CHD4: variants seen among roughly 807,000 people sequenced by gnomAD.
The protein encoded by CHD4 is chromodomain helicase DNA binding protein 4, also known as ATP-dependent chromatin remodeler CHD4.
In CHD4, 35 loss-of-function variants were observed where a neutral mutation model predicts 235.5. The ratio of observed to expected loss-of-function variants is 0.15; its 90% CI spans 0.11 to 0.20. CHD4 has a LOEUF of 0.20. CHD4 is among the 10% of genes least tolerant of loss of function. The probability of loss-of-function intolerance (pLI) is 1.00; values close to 1 mark genes in which losing one functional copy is unlikely to be tolerated. For synonymous variants in CHD4, 900 were observed against 850.2 expected (o/e 1.06, Z -1.02); for missense variants, 1,329 against 2,432.3 (o/e 0.55, Z 9.54).
chr12:6,577,730 G>T, intron 37 of CHD4, 55 bp downstream of exon 37: 1 of 1,606,832 alleles, frequency 6.2e-7, no homozygotes, highest in Non-Finnish European at 8.5e-7. Flanking sequence ...GCTGCAGGAC[G>T]TTACGCACTT....
intron 25 of CHD4, 148 bp downstream of exon 25, chr12:6,587,235 TC>T: frequency 1.4e-6 from 1 of 738,448 alleles, no homozygotes; most frequent in Non-Finnish European, 2.2e-6. Context: ...AGTCATGTTA[TC>T]AGCTTTGTTT....
rs150832622 is a variant in CHD4, at chr12:6,601,984, C to G, written c.414G>C (p.Glu138Asp). 1.4e-6 allele frequency: 2 copies of G among 1,457,302 alleles called. No homozygotes were observed. The highest frequency in any genetic ancestry group is 9.3e-7 in the Non-Finnish European group (1 of 1,072,328). The allele number at this position is 1,457,302 out of a possible 1,614,324, so 90.3% of individuals were successfully genotyped here. ...SKSKRKEEEE[E>D]EDDDDDSKEP... Reference sequence around the variant, plus strand: ...CCTTTGAATCATCATCATCATCCTCCTCCTCCTCCTCCTCCTTCCGCTTGG... The same window carrying G: ...CCTTTGAATCATCATCATCATCCTCGTCCTCCTCCTCCTCCTTCCGCTTGG... Residue 138 changes from glutamate to aspartate, a missense_variant, in exon 4 of 40, where the codon GAG becomes GAC. This residue lies in a region of CHD4 where 213 missense variants were observed against 177.5 expected (regional missense o/e 1.20). Coordinates refer to ENST00000544040, the MANE Select transcript of CHD4 (RefSeq NM_001273.5).
intron 9 of CHD4, 25 bp downstream of exon 9, chr12:6,600,192 G>C: frequency 6.2e-7 from 1 of 1,612,104 alleles, no homozygotes; most frequent in South Asian, 1.1e-5. Context: ...TGGGTTCCAA[G>C]GGGCCACAAT....
chr12:6,602,164 T>A lies in CHD4; in HGVS notation c.234A>T (p.Leu78Phe). The A allele has an allele frequency of 6.2e-7, 1 of 1,613,662 alleles. No homozygotes were observed. The highest frequency in any genetic ancestry group is 1.1e-5 in the South Asian group (1 of 91,060). ...CAGAGCTGTCCCCCAGCTGCCGGCA[T>A]AAGAGCATACGCTGGAGCAGGGCAA... The part of the protein sequence containing the change: ...SKRQKKERML[L>F]CRQLGDSSGE... The change falls in exon 4 of 40, where the codon TTA becomes TTT. Residue 78 changes from leucine to phenylalanine, a missense_variant. Leu to Phe is a conservative substitution (Grantham distance 22). This residue lies in a region of CHD4 where 213 missense variants were observed against 177.5 expected (regional missense o/e 1.20). Transcript: ENST00000544040.
intron 39 of CHD4, 40 bp from the exon 40 acceptor site, chr12:6,570,733 A>G (rs369248777): frequency 1.2e-5 from 19 of 1,613,960 alleles, no homozygotes; most frequent in Non-Finnish European, 1.6e-5. Flanking sequence ...TCCAGATGAT[A>G]GGAATCCACC....
intron 23 of CHD4, 29 bp from the exon 24 acceptor site, chr12:6,587,978 A>C: frequency 6.3e-7 from 1 of 1,597,270 alleles, no homozygotes; most frequent in East Asian, 2.2e-5. Context: ...TAAAGCCAGA[A>C]ATTGTATTTT....
intron 18 of CHD4, 53 bp from the exon 19 acceptor site, chr12:6,592,619 A>G (rs1442057344): frequency 1.1e-5 from 18 of 1,585,084 alleles, no homozygotes; most frequent in Non-Finnish European, 1.5e-5. Context: ...GGAAGAAAGA[A>G]AAGTGATACA....
chr12:6,605,386 G>A (rs1161012870), intron 2 of CHD4, among the ~76,000 whole-genome samples: 2 of 152,214 alleles, frequency 1.3e-5, no homozygotes, highest in Non-Finnish European at 2.9e-5. Flanking sequence ...CATCTGCTTA[G>A]GGGCATGACA....
intron 22 of CHD4, among the ~76,000 whole-genome samples, chr12:6,591,077 C>T (rs578190338): frequency 1.5e-5 from 2 of 133,330 alleles, no homozygotes; most frequent in South Asian, 2.5e-4. Flanking sequence ...GAGCCAAGAT[C>T]GTGCCGCTGC....
intron 38 of CHD4, among the ~76,000 whole-genome samples, chr12:6,572,570 T>G (rs1027960558): frequency 1.3e-5 from 2 of 152,132 alleles, no homozygotes; most frequent in Non-Finnish European, 2.9e-5. Context: ...ATCTCTTTTT[T>G]TTCTGGAGTC....
chr12:6,589,065 TG>T (rs529981208), intron 22 of CHD4, among the ~76,000 whole-genome samples: 18 of 151,870 alleles, frequency 1.2e-4, no homozygotes, highest in South Asian at 8.3e-4. Context: ...CTGGCCAACG[TG>T]GTGAAACCCT....
chr12:6,598,349 G>A lies in CHD4; in HGVS notation c.1559C>T (p.Pro520Leu), dbSNP rs918342140. 3.1e-6 allele frequency: 5 copies of A among 1,614,172 alleles called. No individual in the cohort carries two copies. In the East Asian group the frequency reaches 1.1e-4, roughly 36 times the overall value. The change falls in exon 11 of 40, where the codon CCT becomes CTT. Residue 520 changes from proline to leucine, a missense_variant. This residue lies in a region of CHD4 where 45 missense variants were observed against 47.5 expected (regional missense o/e 0.95). Transcript: ENST00000544040. ...GTTGGGATCAGCATCTGGAGGCCGA[G>A]GCACTGGTGTGGGAGATGGTGGCTG... ...WGQPPSPTPV[P>L]RPPDADPNTP...
chr12:6,581,188 A>C lies in CHD4; in HGVS notation c.4780-15T>G. ...GCCTGTGTACACTTCAAAGGAAAAA[A>C]AAACAAAAACAAAACAGATGAAGCA... On this transcript the variant is annotated splice_polypyrimidine_tract_variant and intron_variant, in intron 32 of 39. Coordinates refer to ENST00000544040, the MANE Select transcript of CHD4 (RefSeq NM_001273.5). 6.2e-7 allele frequency: 1 copy of C among 1,610,334 alleles called. No individual in the cohort carries two copies. Among genetic ancestry groups the C allele is most frequent in the Non-Finnish European group, 8.5e-7 (1 of 1,179,002 alleles).
Position 6,599,727 on chromosome 12 carries a change from G to T in CHD4, c.1482+46C>A, listed in dbSNP as rs375331365. ...GCCTCACAATAGCCTACATAGAAAAGACTACACTTTCCCATTTTTTGCCCC... is the reference window on the plus strand; with the variant it reads ...GCCTCACAATAGCCTACATAGAAAATACTACACTTTCCCATTTTTTGCCCC... On this transcript the variant is annotated intron_variant, in intron 10 of 39. Transcript: ENST00000544040. 1.3e-5 allele frequency: 21 copies of T among 1,612,766 alleles called. No homozygotes were observed. In the African/African-American group the frequency reaches 2.5e-4, roughly 19 times the overall value.
chr12:6,597,751 T>A (rs896981069), intron 12 of CHD4, 143 bp downstream of exon 12: 2 of 723,836 alleles, frequency 2.8e-6, no homozygotes, highest in Admixed American at 5.0e-5. Flanking sequence ...GGGCACAGAG[T>A]GAGACTCTGT....
chr12:6,606,685 G>C (rs1173036279), intron 1 of CHD4: 7 of 275,718 alleles, frequency 2.5e-5, no homozygotes, highest in Non-Finnish European at 4.8e-5. Context: ...GTGCAAGCGC[G>C]GGGAGGGGAG....
intron 12 of CHD4, 73 bp from the exon 13 acceptor site, chr12:6,596,210 A>G: frequency 6.3e-7 from 1 of 1,583,992 alleles, no homozygotes; most frequent in Non-Finnish European, 8.6e-7. Flanking sequence ...AAAACTGGCA[A>G]TACCGTTTGT....
In CHD4 at chr12:6,593,916, A is replaced by G. The variant is rs1948442124; in HGVS notation, c.2314-300T>C. Among the ~76,000 whole-genome samples the G allele has an allele frequency of 6.6e-6, 1 of 151,576 alleles. No individual in the cohort carries two copies. Among genetic ancestry groups the G allele is most frequent in the African/African-American group, 2.4e-5 (1 of 41,182 alleles). ...AATGGCGCAATCTCAGCTCACTGCA[A>G]CCTCCACCTCCCGGGTTCAAGCGAT... On this transcript the variant is annotated intron_variant, in intron 15 of 39. Coordinates refer to ENST00000544040, the MANE Select transcript of CHD4 (RefSeq NM_001273.5). The surrounding 1 kb of genome is among the most constrained non-coding windows in gnomAD (Gnocchi z 4.9).
intron 38 of CHD4, chr12:6,571,658 T>G (rs1354330425): frequency 6.6e-6 from 1 of 152,246 alleles, no homozygotes; most frequent in African/African-American, 2.4e-5. Context: ...AAACCCCATC[T>G]CTACTAAAAA....
Sources: gnomAD v4.1 joint callset for allele counts (sites outside exome capture counted in the v4.1 genomes callset) on GRCh38, gnomAD v4.1.1 for gene constraint, gnomAD v4.1.1 regional missense constraint, Gnocchi (gnomAD v3.1) non-coding constraint, MANE v1.5 for transcripts, NCBI Gene and HGNC (gene_info 2026-07-23, HGNC 2026-07-21) for gene names.